FBXL7: variants seen among roughly 807,000 people sequenced by gnomAD.
FBXL7 encodes the protein F-box/LRR-repeat protein 7.
A neutral mutation model predicts 38.3 loss-of-function variants in FBXL7; 12 were observed. That is an observed-to-expected ratio of 0.31 (90% CI 0.20 to 0.51). The LOEUF (loss-of-function observed/expected upper bound fraction) is 0.51. Among genes scored for constraint, FBXL7 ranks in the 20% least tolerant of loss-of-function variants. FBXL7 has a pLI of 0.98. For synonymous variants in FBXL7, 297 were observed against 300.9 expected, an observed-to-expected ratio of 0.99 and a Z score of 0.13; for missense variants, 567 against 676.4, an observed-to-expected ratio of 0.84 and a Z score of 1.79.
At chr5:15,702,187 G>A (rs1384748399) in intron 2 of FBXL7, among the ~76,000 whole-genome samples, 2 of 149,960 alleles carry the variant, frequency 1.3e-5, no homozygotes, top group Non-Finnish European at 2.9e-5. Context: ...GCCATGATCC[G>A]AGATTGCGCC....
intron 1 of FBXL7, among the ~76,000 whole-genome samples, chr5:15,570,365 A>G (rs1738733924): frequency 2.0e-5 from 3 of 152,124 alleles, no homozygotes; most frequent in Admixed American, 2.0e-4. Flanking sequence ...TAGATTTTCT[A>G]GTTTATTTGC....
intron 2 of FBXL7, among the ~76,000 whole-genome samples, chr5:15,895,431 A>G (rs533672671): frequency 2.4e-4 from 36 of 152,238 alleles, no homozygotes; most frequent in African/African-American, 7.9e-4. Flanking sequence ...CTCTCATAGA[A>G]AGCCTTAAAA....
At chr5:15,927,099 A>G (rs1186470522) in intron 2 of FBXL7, among the ~76,000 whole-genome samples, 1 of 152,020 alleles carries the variant, frequency 6.6e-6, no homozygotes, top group Non-Finnish European at 1.5e-5. Flanking sequence ...GGAAGTTGTC[A>G]AACTATGACC....
At chr5:15,504,874 G>T (rs1353145835) in intron 1 of FBXL7, among the ~76,000 whole-genome samples, 1 of 152,192 alleles carries the variant, frequency 6.6e-6, no homozygotes, top group Non-Finnish European at 1.5e-5. Flanking sequence ...CACTTACTCA[G>T]TGGTTTCAGT....
intron 1 of FBXL7, among the ~76,000 whole-genome samples, chr5:15,523,070 A>G (rs894999804): frequency 1.3e-5 from 2 of 152,214 alleles, no homozygotes; most frequent in Non-Finnish European, 2.9e-5. Flanking sequence ...CCACTACCAC[A>G]TGTGACCACC....
chr5:15,822,163 T>C (rs257750), intron 2 of FBXL7, among the ~76,000 whole-genome samples: 83,941 of 147,366 alleles, frequency 0.57, 24,281 homozygotes, highest in Non-Finnish European at 0.64. Context: ...CCATCCTGTC[T>C]AACATGGTGA....
At chr5:15,743,487 C>T (rs995988987) in intron 2 of FBXL7, among the ~76,000 whole-genome samples, 2 of 152,210 alleles carry the variant, frequency 1.3e-5, no homozygotes, top group South Asian at 4.1e-4. Flanking sequence ...GAGGTGGCTC[C>T]CACCATCTTG....
chr5:15,583,202 A>G (rs1835131), intron 1 of FBXL7, among the ~76,000 whole-genome samples: 82,511 of 151,826 alleles, frequency 0.54, 23,153 homozygotes, highest in African/African-American at 0.67. Flanking sequence ...CAAGAACAAC[A>G]TGGGGGAAAC....
chr5:15,580,451 C>T (rs779812364), intron 1 of FBXL7, among the ~76,000 whole-genome samples: 2 of 152,076 alleles, frequency 1.3e-5, no homozygotes, highest in African/African-American at 2.4e-5. Flanking sequence ...GTCTAGGGGC[C>T]ATGTGATCGT....
At chr5:15,711,432 T>G (rs1743866904) in intron 2 of FBXL7, among the ~76,000 whole-genome samples, 1 of 152,218 alleles carries the variant, frequency 6.6e-6, no homozygotes, top group South Asian at 2.1e-4. Context: ...AGAGCTCACC[T>G]TCCTCCAGTA....
At chr5:15,607,633 G>T (rs566298821) in intron 1 of FBXL7, among the ~76,000 whole-genome samples, 1 of 152,122 alleles carries the variant, frequency 6.6e-6, no homozygotes, top group Non-Finnish European at 1.5e-5. Context: ...AACCTGGCAC[G>T]CTCTAACAGA....
At chr5:15,509,736 G>A (rs1736742159) in intron 1 of FBXL7, among the ~76,000 whole-genome samples, 1 of 152,182 alleles carries the variant, frequency 6.6e-6, no homozygotes, top group Admixed American at 6.5e-5. Flanking sequence ...TTTCTCATAT[G>A]GCTTGGTCCA....
intron 3 of FBXL7, among the ~76,000 whole-genome samples, chr5:15,935,650 C>T (rs1742162380): frequency 6.6e-6 from 1 of 152,226 alleles, no homozygotes; most frequent in Admixed American, 6.5e-5. Flanking sequence ...TCAAGGGCTA[C>T]AGCAACAATC....
intron 1 of FBXL7, among the ~76,000 whole-genome samples, chr5:15,576,497 AATG>A (rs1310586285): frequency 6.6e-6 from 1 of 152,138 alleles, no homozygotes; most frequent in African/African-American, 2.4e-5. Flanking sequence ...TTTGTAGTAG[AATG>A]ATAATATTCA....
chr5:15,571,182 C>G (rs1197082415), intron 1 of FBXL7, among the ~76,000 whole-genome samples: 5 of 151,714 alleles, frequency 3.3e-5, no homozygotes, highest in Non-Finnish European at 7.4e-5. Context: ...ATTCTGAAAT[C>G]ATAAGACCTA....
chr5:15,848,971 C>G (rs1457219131), intron 2 of FBXL7, among the ~76,000 whole-genome samples: 1 of 152,140 alleles, frequency 6.6e-6, no homozygotes, highest in Non-Finnish European at 1.5e-5. Flanking sequence ...AAAAGTAAAT[C>G]CAAGATGGCA....
chr5:15,528,674 C>T (rs1241816224), intron 1 of FBXL7, among the ~76,000 whole-genome samples: 1 of 152,194 alleles, frequency 6.6e-6, no homozygotes, highest in African/African-American at 2.4e-5. Flanking sequence ...CACTGGGTCC[C>T]TCCCACATCA....
At position 15,936,087 on chromosome 5, in the gene FBXL7, C is replaced by G. The variant is rs1228078359; in HGVS notation, c.740-363C>G. Among the ~76,000 whole-genome samples, 3 of 152,190 alleles carry G rather than the reference C, an allele frequency of 2.0e-5. No homozygotes were observed. The highest frequency in any genetic ancestry group is 4.8e-5 in the African/African-American group (2 of 41,436). On this transcript the variant is annotated intron_variant, in intron 3 of 3. Coordinates refer to ENST00000504595, the MANE Select transcript of FBXL7 (RefSeq NM_012304.5). The surrounding 1 kb of genome is among the most constrained non-coding windows in gnomAD (Gnocchi z 6.0). ...GATATTTACACACATCCTCTCATTA[C>G]TCCATCCCAGCTGCCTCCCAGGGAA...
At chr5:15,606,256 T>C (rs1286063376) in intron 1 of FBXL7, among the ~76,000 whole-genome samples, 2 of 152,186 alleles carry the variant, frequency 1.3e-5, no homozygotes, top group Non-Finnish European at 2.9e-5. Flanking sequence ...GTCTTCATGC[T>C]GTGACTCTAG....
Sources: gnomAD v4.1 joint callset for allele counts (sites outside exome capture counted in the v4.1 genomes callset) on GRCh38, gnomAD v4.1.1 for gene constraint, Gnocchi (gnomAD v3.1) non-coding constraint, MANE v1.5 for transcripts, NCBI Gene and HGNC (gene_info 2026-07-23, HGNC 2026-07-21) for gene names.